The following CHIC1 variants were observed in gnomAD, a reference collection of about 807,000 sequenced individuals.
The protein encoded by CHIC1 is cysteine rich hydrophobic domain 1, also known as cysteine-rich hydrophobic domain-containing protein 1.
In CHIC1, 7 loss-of-function variants were observed where a neutral mutation model predicts 18.5. The ratio of observed to expected loss-of-function variants is 0.38; its 90% CI spans 0.22 to 0.71. The LOEUF (loss-of-function observed/expected upper bound fraction) is 0.71. Among genes scored for constraint, CHIC1 ranks in the 30% least tolerant of loss-of-function variants. The pLI is 0.49. For missense variants in CHIC1, 159 were observed against 176.9 expected (o/e 0.90, Z 0.57); for synonymous variants, 77 against 73.5 (o/e 1.05, Z -0.25).
chrX:73,585,025 G>C (rs957488193), intron 3 of CHIC1, among the ~76,000 whole-genome samples: 1 of 111,320 alleles, frequency 9.0e-6, no homozygotes, highest in Non-Finnish European at 1.9e-5. Flanking sequence ...CTTATGTCAT[G>C]GATTTAAGAG....
chrX:73,602,576 A>G (rs955478006), intron 3 of CHIC1, among the ~76,000 whole-genome samples: 2 of 108,926 alleles, frequency 1.8e-5, no homozygotes, highest in African/African-American at 7.1e-5. Flanking sequence ...TGTTTCAGTC[A>G]TGAAGTCTTT....
At chrX:73,595,210 C>T (rs2057601340) in intron 3 of CHIC1, among the ~76,000 whole-genome samples, 1 of 111,030 alleles carries the variant, frequency 9.0e-6, no homozygotes, top group Non-Finnish European at 1.9e-5. Context: ...TTCTGGGATA[C>T]ATGTGCAGAA....
chrX:73,597,985 G>A (rs1439706768), intron 3 of CHIC1, among the ~76,000 whole-genome samples: 1 of 111,624 alleles, frequency 9.0e-6, no homozygotes. Context: ...ATTCCATGGT[G>A]TACATGTGCC....
chrX:73,642,095 C>T (rs2057860006), intron 3 of CHIC1, among the ~76,000 whole-genome samples: 1 of 111,921 alleles, frequency 8.9e-6, no homozygotes, highest in Admixed American at 9.5e-5. Context: ...AATCGCCACA[C>T]TGACTTCCAC....
intron 3 of CHIC1, among the ~76,000 whole-genome samples, chrX:73,622,296 G>A (rs2057764062): frequency 8.9e-6 from 1 of 111,736 alleles, no homozygotes; most frequent in South Asian, 3.7e-4. Context: ...TGTACCTCTT[G>A]TAGAATTCGG....
chrX:73,685,515 T>A lies in CHIC1; in HGVS notation c.*4510T>A, dbSNP rs1460137828. The A allele has an allele frequency of 1.8e-5, 2 of 111,430 alleles. No homozygotes were observed. Among genetic ancestry groups the A allele is most frequent in the Non-Finnish European group, 3.8e-5 (2 of 52,971 alleles). The allele number at this position is 111,430 out of a possible 1,213,427, so 9.2% of individuals were successfully genotyped here. On this transcript the variant is annotated 3_prime_UTR_variant, in exon 6 of 6. Coordinates refer to ENST00000373502, the MANE Select transcript of CHIC1 (RefSeq NM_001039840.4). ...ATCTGTTGGAACAAATTGATAAAAT[T>A]AGGTGGAAAGGAAAGTGGTATGGGA...
intron 3 of CHIC1, among the ~76,000 whole-genome samples, chrX:73,671,886 C>T (rs12556833): frequency 0.11 from 11,713 of 109,688 alleles, 509 homozygotes; most frequent in African/African-American, 0.13. Flanking sequence ...CATCATTTAC[C>T]TTTAGGTATA....
Position 73,684,049 on chromosome X carries a change from A to G in CHIC1, c.*3044A>G, listed in dbSNP as rs1477848930. On this transcript the variant is annotated 3_prime_UTR_variant, in exon 6 of 6. Coordinates refer to ENST00000373502, the MANE Select transcript of CHIC1 (RefSeq NM_001039840.4). Reference sequence around the variant, plus strand: ...ATAATAAATGAATTGGTAGATGATTAGATTAGAAATCATCCTTTTCAACTA... The same window carrying G: ...ATAATAAATGAATTGGTAGATGATTGGATTAGAAATCATCCTTTTCAACTA... 2 of 112,022 alleles carry G rather than the reference A, an allele frequency of 1.8e-5. No individual in the cohort carries two copies. Among genetic ancestry groups the G allele is most frequent in the Admixed American group, 9.5e-5 (1 of 10,474 alleles). The allele number at this position is 112,022 out of a possible 1,213,427, so 9.2% of individuals were successfully genotyped here. A position where few individuals can be genotyped will look rare whatever the true frequency, so the allele number is the denominator to read the frequency against.
chrX:73,573,405 A>G (rs2057480571), intron 1 of CHIC1, among the ~76,000 whole-genome samples: 1 of 111,426 alleles, frequency 9.0e-6, no homozygotes, highest in African/African-American at 3.3e-5. Flanking sequence ...TTTGCTTAGG[A>G]TTGCTTTGGC....
chrX:73,580,541 T>G (rs1172579361), intron 2 of CHIC1, among the ~76,000 whole-genome samples: 1 of 111,042 alleles, frequency 9.0e-6, no homozygotes, highest in Non-Finnish European at 1.9e-5. Flanking sequence ...ATTAATGAGA[T>G]AATTTTTCTC....
chrX:73,678,550 G>T (rs1426226088), intron 3 of CHIC1, among the ~76,000 whole-genome samples: 9 of 112,076 alleles, frequency 8.0e-5, no homozygotes, highest in Admixed American at 3.8e-4. Flanking sequence ...GGGCCAGTGG[G>T]TGGGTCCATT....
At chrX:73,662,082 A>G (rs1198012294) in intron 3 of CHIC1, among the ~76,000 whole-genome samples, 1 of 109,740 alleles carries the variant, frequency 9.1e-6, no homozygotes, top group East Asian at 2.8e-4. Flanking sequence ...AAAAATAAAT[A>G]ATAAAAAAAA....
At chrX:73,656,925 A>G (rs1283260401) in intron 3 of CHIC1, among the ~76,000 whole-genome samples, 1 of 111,127 alleles carries the variant, frequency 9.0e-6, no homozygotes, top group Non-Finnish European at 1.9e-5. Context: ...GATTCTTCCT[A>G]TCCGTGAGCC....
rs996019368 is a variant in CHIC1 at position 73,683,975 on chromosome X, A to T, written c.*2970A>T. ...GTAAAACTTTAGAAGAAGATGGAGA[A>T]GTGCCTTGTCTTTTTAGAACAAAGA... On this transcript the variant is annotated 3_prime_UTR_variant, in exon 6 of 6. Coordinates refer to ENST00000373502, the MANE Select transcript of CHIC1 (RefSeq NM_001039840.4). 5.3e-5 allele frequency: 6 copies of T among 112,309 alleles called. No homozygotes were observed. The highest frequency in any genetic ancestry group is 1.9e-4 in the African/African-American group (6 of 30,939). The allele number at this position is 112,309 out of a possible 1,213,427, so 9.3% of individuals were successfully genotyped here.
intron 3 of CHIC1, among the ~76,000 whole-genome samples, chrX:73,612,323 T>C (rs2057712980): frequency 8.9e-6 from 1 of 111,842 alleles, no homozygotes; most frequent in African/African-American, 3.2e-5. Context: ...GCTCTGATCT[T>C]CATTTTTTTT....
intron 1 of CHIC1, among the ~76,000 whole-genome samples, chrX:73,563,841 T>C (rs2086739201): frequency 9.0e-6 from 1 of 110,830 alleles, no homozygotes; most frequent in Admixed American, 9.5e-5. Context: ...GCCAGAGCGA[T>C]TGGAGTAGGG....
At position 73,602,362 on chromosome X, in the gene CHIC1, CTTGT is replaced by C. The variant is rs964215572; in HGVS notation, c.507+17793_507+17796del. The stretch of plus-strand genomic sequence containing the variant: ...TATCCTTCACCCACTTTTTGAGGGG[CTTGT>C]TTTTTTTCTTGTAAATTTGTTTAAG... On this transcript the variant is annotated intron_variant, in intron 3 of 5. Transcript: ENST00000373502. 1.0e-4 allele frequency among the ~76,000 whole-genome samples: 11 copies of C among 107,993 alleles called. 1 individual carries two copies. Among genetic ancestry groups the C allele is most frequent in the African/African-American group, 3.9e-4 (11 of 27,853 alleles). The allele number at this position is 107,993 out of a possible 115,157, so 93.8% of individuals were successfully genotyped here.
At chrX:73,592,782 A>G (rs768285738) in intron 3 of CHIC1, among the ~76,000 whole-genome samples, 1 of 110,581 alleles carries the variant, frequency 9.0e-6, no homozygotes, top group South Asian at 3.8e-4. Flanking sequence ...GATTGGTATT[A>G]GCTCTTCTTC....
intron 3 of CHIC1, among the ~76,000 whole-genome samples, chrX:73,677,991 G>GGTTTTTTTT (rs772418309): frequency 1.2e-5 from 1 of 80,438 alleles, no homozygotes. Context: ...TTTGGAGGTT[G>GGTTTTTTTT]TTTTTTTTTT....
Sources: gnomAD v4.1 joint callset for allele counts (sites outside exome capture counted in the v4.1 genomes callset) on GRCh38, gnomAD v4.1.1 for gene constraint, MANE v1.5 for transcripts, NCBI Gene and HGNC (gene_info 2026-07-23, HGNC 2026-07-21) for gene names.